The following DLGAP2 variants were observed in gnomAD, a reference collection of about 807,000 sequenced individuals.
DLGAP2 encodes DLG associated protein 2, also known as disks large-associated protein 2.
DLGAP2 carries 26 observed loss-of-function variants against 100.3 expected under a neutral mutation model. The observed-to-expected ratio is 0.26, with a 90% confidence interval of 0.19 to 0.36. The LOEUF (loss-of-function observed/expected upper bound fraction) is 0.36. Among genes scored for constraint, DLGAP2 ranks in the 10% least tolerant of loss-of-function variants. The pLI is 1.00. For synonymous variants in DLGAP2, 886 were observed against 630.1 expected, an observed-to-expected ratio of 1.41 and a Z score of -6.08; for missense variants, 1,858 against 1,453.2, an observed-to-expected ratio of 1.28 and a Z score of -4.53.
chr8:936,946 C>T (rs1178413928), intron 2 of DLGAP2, among the ~76,000 whole-genome samples: 3 of 152,178 alleles, frequency 2.0e-5, no homozygotes, highest in Non-Finnish European at 4.4e-5. Context: ...AATGGGTAAT[C>T]AATACTGCCC....
At chr8:1,432,892 C>T (rs1045173059) in intron 3 of DLGAP2, among the ~76,000 whole-genome samples, 25 of 152,314 alleles carry the variant, frequency 1.6e-4, no homozygotes, top group African/African-American at 5.5e-4. Flanking sequence ...GGGGCGTCCC[C>T]AGAGACCAGA....
At chr8:1,181,433 C>T (rs562525649) in intron 2 of DLGAP2, among the ~76,000 whole-genome samples, 2 of 152,214 alleles carry the variant, frequency 1.3e-5, no homozygotes, top group South Asian at 2.1e-4. Flanking sequence ...CTGCAGGGCA[C>T]GTGATCTCAT....
intron 3 of DLGAP2, among the ~76,000 whole-genome samples, chr8:1,381,928 A>G (rs1796106949): frequency 6.6e-6 from 1 of 152,070 alleles, no homozygotes; most frequent in Non-Finnish European, 1.5e-5. Context: ...TCTGAACCCC[A>G]GCACCAAGAA....
At chr8:1,289,018 T>C (rs969345456) in intron 3 of DLGAP2, among the ~76,000 whole-genome samples, 3 of 152,174 alleles carry the variant, frequency 2.0e-5, no homozygotes, top group Admixed American at 6.5e-5. Context: ...AAAACAAAAA[T>C]CCCTTTGAAT....
At chr8:830,138 T>A (rs541906272) in intron 1 of DLGAP2, among the ~76,000 whole-genome samples, 1 of 152,302 alleles carries the variant, frequency 6.6e-6, no homozygotes, top group East Asian at 1.9e-4. Context: ...ATGTAACATT[T>A]GCTTTTTATT....
intron 3 of DLGAP2, among the ~76,000 whole-genome samples, chr8:1,477,089 C>G (rs13268661): frequency 6.6e-6 from 1 of 152,356 alleles, no homozygotes; most frequent in South Asian, 2.1e-4. Flanking sequence ...ACGTCACTGC[C>G]GCAGGCACTG....
chr8:1,064,829 G>A (rs1256192147), intron 2 of DLGAP2, among the ~76,000 whole-genome samples: 5 of 152,136 alleles, frequency 3.3e-5, no homozygotes, highest in African/African-American at 4.8e-5. Context: ...AGCGTGGTCC[G>A]TTTCACCCCC....
intron 2 of DLGAP2, among the ~76,000 whole-genome samples, chr8:1,044,055 G>T (rs552780394): frequency 6.6e-6 from 1 of 152,068 alleles, no homozygotes; most frequent in Admixed American, 6.6e-5. Flanking sequence ...GCCCTGCCAC[G>T]CCACGCTGTG....
At chr8:1,437,360 G>T (rs2040988) in intron 3 of DLGAP2, among the ~76,000 whole-genome samples, 1 of 151,968 alleles carries the variant, frequency 6.6e-6, no homozygotes, top group African/African-American at 2.4e-5. Flanking sequence ...GCCACCTTAC[G>T]TTTCTCTGAA....
At chr8:1,031,898 G>T (rs113591707) in intron 2 of DLGAP2, among the ~76,000 whole-genome samples, 1 of 152,150 alleles carries the variant, frequency 6.6e-6, no homozygotes, top group Non-Finnish European at 1.5e-5. Flanking sequence ...TCCATGCTAC[G>T]CTGGTCTCTC....
chr8:820,959 C>T (rs572190667), intron 1 of DLGAP2, among the ~76,000 whole-genome samples: 22 of 152,106 alleles, frequency 1.4e-4, no homozygotes, highest in Admixed American at 5.9e-4. Context: ...AATTCTAGAA[C>T]GGTGGAGAGT....
In DLGAP2 at chr8:1,553,663, G is replaced by A. The variant is rs535295507; in HGVS notation, c.1230+3980G>A. Among the ~76,000 whole-genome samples, 13 of 152,216 alleles carry A rather than the reference G, an allele frequency of 8.5e-5. No individual in the cohort carries two copies. In the South Asian group the frequency reaches 1.2e-3, roughly 15 times the overall value. ...TGTTTCAGAACCTCTCCCTGCTCCC[G>A]CCCTCTGCAGCCGGTCCCATCACTG... On this transcript the variant is annotated intron_variant, in intron 5 of 14. Transcript: ENST00000637795.
At chr8:1,639,741 G>T (rs117762939) in intron 8 of DLGAP2, among the ~76,000 whole-genome samples, 1 of 152,316 alleles carries the variant, frequency 6.6e-6, no homozygotes, top group East Asian at 1.9e-4. Flanking sequence ...GGAGGCTTCC[G>T]GGGAGCCCGC....
chr8:1,328,774 G>A (rs961153468), intron 3 of DLGAP2, among the ~76,000 whole-genome samples: 1 of 152,234 alleles, frequency 6.6e-6, no homozygotes, highest in African/African-American at 2.4e-5. Context: ...GGAGACGGCG[G>A]AAATGTCGGG....
At position 787,180 on chromosome 8, in the gene DLGAP2, G is replaced by C. The variant is rs116630828; in HGVS notation, c.18+49355G>C. On this transcript the variant is annotated intron_variant, in intron 1 of 14. Transcript: ENST00000637795. ...ATCCAACTTGATGAATCTTCACCCA[G>C]CCTCAGCTGGTCCTTCCTTTGAAGA... Among the ~76,000 whole-genome samples, 851 of 152,260 alleles carry C rather than the reference G, an allele frequency of 5.6e-3. 7 individuals are homozygous for C. The highest frequency in any genetic ancestry group is 0.02 in the African/African-American group (813 of 41,556).
intron 6 of DLGAP2, among the ~76,000 whole-genome samples, chr8:1,567,475 A>G (rs1306487044): frequency 6.6e-6 from 1 of 152,208 alleles, no homozygotes; most frequent in Non-Finnish European, 1.5e-5. Flanking sequence ...AAAACATGAA[A>G]AAACCAAAGC....
chr8:1,547,338 G>C (rs1239516302), intron 4 of DLGAP2, among the ~76,000 whole-genome samples: 2 of 152,110 alleles, frequency 1.3e-5, no homozygotes, highest in African/African-American at 2.4e-5. Context: ...AGAAGAACAG[G>C]GCTCCCCTAA....
chr8:811,563 C>A, intron 1 of DLGAP2, among the ~76,000 whole-genome samples: 1 of 148,860 alleles, frequency 6.7e-6, no homozygotes, highest in South Asian at 2.1e-4. Flanking sequence ...CAGGAACTAT[C>A]TGGGGGCCCT....
chr8:1,555,322 C>A (rs1202840942), intron 5 of DLGAP2, among the ~76,000 whole-genome samples: 3 of 152,192 alleles, frequency 2.0e-5, no homozygotes, highest in Non-Finnish European at 4.4e-5. Flanking sequence ...CTCCTTGAGA[C>A]AAAGCGGTGA....
Sources: allele counts gnomAD v4.1 joint callset (sites outside exome capture counted in the v4.1 genomes callset), GRCh38; gene constraint gnomAD v4.1.1; transcripts MANE v1.5; gene names NCBI Gene and HGNC (gene_info 2026-07-23, HGNC 2026-07-21).